The following CD226 variants were observed in gnomAD, a reference collection of about 807,000 sequenced individuals.
The protein encoded by CD226 is CD226 molecule, also known as CD226 antigen.
A neutral mutation model predicts 34.9 loss-of-function variants in CD226; 24 were observed. The observed-to-expected ratio is 0.69, with a 90% CI of 0.50 to 0.97. CD226 has a LOEUF of 0.97. Among genes scored for constraint, CD226 ranks in the 50% least tolerant of loss-of-function variants. The pLI, the probability that CD226 is intolerant of heterozygous loss-of-function variation, is 0.00. For synonymous variants in CD226, 148 were observed against 147.4 expected, an observed-to-expected ratio of 1.00 and a Z score of -0.03; for missense variants, 397 against 412.7, an observed-to-expected ratio of 0.96 and a Z score of 0.33.
chr18:69,943,082 T>A (rs543852815), intron 2 of CD226, among the ~76,000 whole-genome samples: 221 of 152,296 alleles, frequency 1.5e-3, no homozygotes, highest in Non-Finnish European at 1.6e-3. Context: ...CTTGGACAAG[T>A]GAGTCTACCA....
chr18:69,907,709 G>A (rs933512598), intron 2 of CD226, among the ~76,000 whole-genome samples: 3 of 152,190 alleles, frequency 2.0e-5, no homozygotes, highest in Non-Finnish European at 4.4e-5. Flanking sequence ...TTGGGAGAAT[G>A]AGGGGATAAC....
rs11421381 is a variant in CD226 at position 69,854,112 on chromosome 18, G to GA, written c.*10201_*10202insT. ...TCTGCCTTTAGTGTCATCATGTTAAGGCATGGAAGATGTTGCTGCCATGCT... is the reference window on the plus strand; with the variant it reads ...TCTGCCTTTAGTGTCATCATGTTAAGAGCATGGAAGATGTTGCTGCCATGCT... On this transcript the variant is annotated 3_prime_UTR_variant, in exon 6 of 6. Transcript: ENST00000582621. 146,723 of 152,244 alleles carry GA rather than the reference G, an allele frequency of 0.96. 70,947 individuals are homozygous for GA. Among genetic ancestry groups the GA allele is most frequent in the East Asian group, 1 (5,162 of 5,162 alleles). The allele number at this position is 152,244 out of a possible 1,614,324, so 9.4% of individuals were successfully genotyped here.
chr18:69,865,945 A>G (rs1983115030), intron 5 of CD226, among the ~76,000 whole-genome samples: 1 of 152,200 alleles, frequency 6.6e-6, no homozygotes, highest in Admixed American at 6.5e-5. Context: ...GGTTGCTTAA[A>G]CCACAAACAC....
chr18:69,896,199 T>C (rs1397767332), intron 2 of CD226, 154 bp from the exon 3 acceptor site: 4 of 578,486 alleles, frequency 6.9e-6, no homozygotes, highest in Admixed American at 7.3e-5. Flanking sequence ...TTTTTTTTCC[T>C]GAGACGGAGT....
intron 2 of CD226, among the ~76,000 whole-genome samples, chr18:69,924,051 A>G (rs1159381851): frequency 1.3e-5 from 2 of 152,178 alleles, no homozygotes; most frequent in South Asian, 2.1e-4. Flanking sequence ...CACAAAACTC[A>G]TATCTAAATA....
At chr18:69,905,276 T>C (rs1237321709) in intron 2 of CD226, among the ~76,000 whole-genome samples, 2 of 151,534 alleles carry the variant, frequency 1.3e-5, no homozygotes, top group Non-Finnish European at 2.9e-5. Context: ...TATTTTCTGA[T>C]GCCTTAACTC....
Position 69,864,023 on chromosome 18 carries a change from A to C in CD226, c.*291T>G, listed in dbSNP as rs540725482. On this transcript the variant is annotated 3_prime_UTR_variant, in exon 6 of 6. Transcript: ENST00000582621. Reference sequence around the variant, plus strand: ...TTTATGCCCATACTTAATTCTAGACACAACATTTAAGCCCTGGTAAATAGC... The same window carrying C: ...TTTATGCCCATACTTAATTCTAGACCCAACATTTAAGCCCTGGTAAATAGC... 4.2e-6 allele frequency: 1 copy of C among 238,096 alleles called. No individual in the cohort carries two copies. Among genetic ancestry groups the C allele is most frequent in the South Asian group, 9.3e-5 (1 of 10,792 alleles). 14.7% of individuals were successfully genotyped at this position (238,096 alleles called of 1,614,324 possible). A position where few individuals can be genotyped will look rare whatever the true frequency, so the allele number is the denominator to read the frequency against.
Position 69,943,723 on chromosome 18 carries a change from G to A in CD226, c.382+3011C>T, listed in dbSNP as rs184183977. 1.5e-3 allele frequency among the ~76,000 whole-genome samples: 221 copies of A among 152,240 alleles called. 1 individual carries two copies. Among genetic ancestry groups the A allele is most frequent in the African/African-American group, 5.1e-3 (212 of 41,534 alleles). On this transcript the variant is annotated intron_variant, in intron 2 of 5. Coordinates refer to ENST00000582621, the MANE Select transcript of CD226 (RefSeq NM_001303618.2). ...GACATACGTGAAACTTAGGGCCTTG[G>A]AAAGACTACTAGACCTCACTGCACT...
chr18:69,959,194 C>T (rs1164343161), upstream of CD226, among the ~76,000 whole-genome samples: 3 of 152,090 alleles, frequency 2.0e-5, no homozygotes, highest in South Asian at 2.1e-4. Flanking sequence ...ATAAAAATAA[C>T]CTGAGACAAA....
intron 2 of CD226, among the ~76,000 whole-genome samples, chr18:69,927,119 T>C (rs1160237563): frequency 6.6e-6 from 1 of 152,164 alleles, no homozygotes; most frequent in Admixed American, 6.5e-5. Context: ...TCTGCTTTCA[T>C]GAATGTGATT....
At position 69,854,049 on chromosome 18, in the gene CD226, A is replaced by T. The variant is rs1866892181; in HGVS notation, c.*10265T>A. 1 of 152,176 alleles carries T rather than the reference A, an allele frequency of 6.6e-6. No homozygotes were observed. Among genetic ancestry groups the T allele is most frequent in the African/African-American group, 2.4e-5 (1 of 41,422 alleles). The allele number at this position is 152,176 out of a possible 1,614,324, so 9.4% of individuals were successfully genotyped here. A position where few individuals can be genotyped will look rare whatever the true frequency, so the allele number is the denominator to read the frequency against. Reference sequence around the variant, plus strand: ...CAGGTCAGAAACCACGATAACAAAAAACATATGTGTTAAAATGTTTATACA... The same window carrying T: ...CAGGTCAGAAACCACGATAACAAAATACATATGTGTTAAAATGTTTATACA... On this transcript the variant is annotated 3_prime_UTR_variant, in exon 6 of 6. Coordinates refer to ENST00000582621, the MANE Select transcript of CD226 (RefSeq NM_001303618.2).
upstream of CD226, among the ~76,000 whole-genome samples, chr18:69,948,462 A>G (rs959579546): frequency 1.3e-5 from 2 of 152,220 alleles, no homozygotes; most frequent in Non-Finnish European, 2.9e-5. Context: ...AATTTTATCT[A>G]ATGCCGACCC....
intron 2 of CD226, among the ~76,000 whole-genome samples, chr18:69,913,960 T>C (rs17209129): frequency 0.072 from 10,937 of 152,284 alleles, 512 homozygotes; most frequent in Non-Finnish European, 0.1. Flanking sequence ...TATCATTCTA[T>C]TGATCTTAAT....
intron 3 of CD226, among the ~76,000 whole-genome samples, chr18:69,889,798 A>G (rs17208015): frequency 0.033 from 5,094 of 152,216 alleles, 141 homozygotes; most frequent in Non-Finnish European, 0.049. Flanking sequence ...TATACCTCAC[A>G]TCGTCCCAGA....
At chr18:69,922,169 A>G (rs1309885554) in intron 2 of CD226, among the ~76,000 whole-genome samples, 1 of 152,226 alleles carries the variant, frequency 6.6e-6, no homozygotes, top group East Asian at 1.9e-4. Context: ...TATTTTTTCT[A>G]TCTAAAAAGC....
At chr18:69,941,564 T>C (rs1276756707) in intron 2 of CD226, among the ~76,000 whole-genome samples, 3 of 152,248 alleles carry the variant, frequency 2.0e-5, no homozygotes, top group Non-Finnish European at 4.4e-5. Flanking sequence ...CAGACTTGCA[T>C]GGAGCTAGTA....
rs531443763 is a variant in CD226 at position 69,862,603 on chromosome 18, G to T, written c.*1711C>A. ...TGGTCGTTTTTATTTTTTCACTCCT[G>T]AAAAGGGTTAAAAGAAACTCACAAA... On this transcript the variant is annotated 3_prime_UTR_variant, in exon 6 of 6. Coordinates refer to ENST00000582621, the MANE Select transcript of CD226 (RefSeq NM_001303618.2). 6.6e-6 allele frequency: 1 copy of T among 152,204 alleles called. No homozygotes were observed. Among genetic ancestry groups the T allele is most frequent in the South Asian group, 2.1e-4 (1 of 4,822 alleles). The allele number at this position is 152,204 out of a possible 1,614,324, so 9.4% of individuals were successfully genotyped here.
In CD226 at chr18:69,947,419, T is replaced by C; in HGVS notation, c.-13A>G. On this transcript the variant is annotated 5_prime_UTR_variant, in exon 1 of 6. Coordinates refer to ENST00000582621, the MANE Select transcript of CD226 (RefSeq NM_001303618.2). ...TAGGATAATCCATCTCTGGAAACTG[T>C]TTGAAAGGCTGGTTCTATTAAAAAA... The C allele has an allele frequency of 1.3e-6, 2 of 1,571,320 alleles. No homozygotes were observed. The highest frequency in any genetic ancestry group is 2.8e-5 in the African/African-American group (2 of 72,696).
At chr18:69,949,884 TCA>T (rs2055834314), upstream of CD226, among the ~76,000 whole-genome samples, 1 of 150,834 alleles carries the variant, frequency 6.6e-6, no homozygotes, top group Admixed American at 6.6e-5. Flanking sequence ...GCACACTGTC[TCA>T]CTCTATCTCA....
Sources: gnomAD v4.1 joint callset for allele counts (sites outside exome capture counted in the v4.1 genomes callset) on GRCh38, gnomAD v4.1.1 for gene constraint, MANE v1.5 for transcripts, NCBI Gene and HGNC (gene_info 2026-07-23, HGNC 2026-07-21) for gene names.